Variants in NFIA observed in about 807,000 individuals in gnomAD.
NFIA encodes the protein nuclear factor 1 A-type.
NFIA carries 8 observed loss-of-function variants against 62.8 expected under a neutral mutation model. The ratio of observed to expected loss-of-function variants is 0.13; its 90% CI spans 0.07 to 0.23. The LOEUF (loss-of-function observed/expected upper bound fraction) is 0.23, where lower values mean the gene tolerates loss of function less well. Ranked by LOEUF, NFIA falls within the 10% of genes least tolerant of loss-of-function variation. NFIA has a pLI of 1.00. For synonymous variants in NFIA, 235 were observed against 238.1 expected (o/e 0.99, Z 0.12); for missense variants, 410 against 642.1 (o/e 0.64, Z 3.91).
chr1:61,452,503 G>A (rs1668101422), intron 10 of NFIA, among the ~76,000 whole-genome samples: 1 of 152,068 alleles, frequency 6.6e-6, no homozygotes, highest in Non-Finnish European at 1.5e-5. Flanking sequence ...GCCTGAAAGG[G>A]TTAATTAAGG....
chr1:61,290,656 T>A (rs1658819533), intron 3 of NFIA, among the ~76,000 whole-genome samples: 1 of 152,234 alleles, frequency 6.6e-6, no homozygotes, highest in Non-Finnish European at 1.5e-5. Context: ...CACCTTGTTG[T>A]CCGAGCTTGA....
At chr1:61,339,660 T>C (rs1346064548) in intron 4 of NFIA, among the ~76,000 whole-genome samples, 1 of 152,200 alleles carries the variant, frequency 6.6e-6, no homozygotes, top group African/African-American at 2.4e-5. Flanking sequence ...TTTAATTTTC[T>C]TGACATGTTT....
intron 10 of NFIA, among the ~76,000 whole-genome samples, chr1:61,452,344 C>A (rs1429578793): frequency 2.6e-5 from 4 of 151,938 alleles, no homozygotes; most frequent in Non-Finnish European, 5.9e-5. Flanking sequence ...AGAAAAATTC[C>A]CTGTGTGGTT....
At chr1:61,417,300 T>A (rs1210606879) in intron 9 of NFIA, among the ~76,000 whole-genome samples, 1 of 148,340 alleles carries the variant, frequency 6.7e-6, no homozygotes, top group African/African-American at 2.5e-5. Flanking sequence ...TATACACATA[T>A]AAGATGATTG....
At chr1:61,172,954 C>T (rs570648639) in intron 2 of NFIA, among the ~76,000 whole-genome samples, 6 of 152,320 alleles carry the variant, frequency 3.9e-5, no homozygotes, top group Admixed American at 2.0e-4. Flanking sequence ...GAACTCTTCA[C>T]GTTCATTTTC....
Position 61,406,553 on chromosome 1 carries a change from C to CT in NFIA, c.1255-9_1255-8insT. On this transcript the variant is annotated splice_polypyrimidine_tract_variant and intron_variant, in intron 8 of 10. Coordinates refer to ENST00000403491, the MANE Select transcript of NFIA (RefSeq NM_001134673.4). ...GTACGTGTGTTTTCTGCCCCCCCCCCCCCCACAGCCCAATGGGAGCAGCCA... is the reference window on the plus strand; with the variant it reads ...GTACGTGTGTTTTCTGCCCCCCCCCCTCCCCACAGCCCAATGGGAGCAGCCA... The CT allele has an allele frequency of 7.6e-6, 10 of 1,319,416 alleles. No homozygotes were observed. The South Asian group carries it at 1.1e-4, about 15-fold the overall frequency. The allele number at this position is 1,319,416 out of a possible 1,614,324, so 81.7% of individuals were successfully genotyped here.
intron 2 of NFIA, among the ~76,000 whole-genome samples, chr1:61,130,583 T>C (rs1336531210): frequency 6.6e-6 from 1 of 152,202 alleles, no homozygotes; most frequent in Non-Finnish European, 1.5e-5. Context: ...CATATGGTAA[T>C]CATTGTAGAA....
intron 2 of NFIA, among the ~76,000 whole-genome samples, chr1:61,206,258 G>A (rs557467884): frequency 6.6e-6 from 1 of 152,194 alleles, no homozygotes; most frequent in South Asian, 2.1e-4. Context: ...GTTGAAAAGT[G>A]TTTCATTTTT....
chr1:61,406,839 A>G (rs1665863782), intron 9 of NFIA, 112 bp downstream of exon 9: 1 of 1,239,060 alleles, frequency 8.1e-7, no homozygotes, highest in Non-Finnish European at 1.1e-6. Context: ...ACAGATCCCC[A>G]GTGATGTTGT....
rs1668293985 is a variant in NFIA at position 61,456,188 on chromosome 1, T to C, written c.*868T>C. On this transcript the variant is annotated 3_prime_UTR_variant, in exon 11 of 11. Transcript: ENST00000403491. ...TTGAATTGAGTAAAGTGCAATTTCA[T>C]TGGATAGCTAAATATCTTTGTAAGA... is the stretch of plus-strand genomic sequence containing the variant. 6.6e-6 allele frequency: 1 copy of C among 152,634 alleles called. No homozygotes were observed. Among genetic ancestry groups the C allele is most frequent in the Admixed American group, 6.5e-5 (1 of 15,282 alleles). 9.5% of individuals were successfully genotyped at this position (152,634 alleles called of 1,614,324 possible).
intron 2 of NFIA, among the ~76,000 whole-genome samples, chr1:61,181,964 C>T (rs1650788976): frequency 6.6e-6 from 1 of 152,124 alleles, no homozygotes; most frequent in African/African-American, 2.4e-5. Flanking sequence ...ATTTAAGACT[C>T]AAAGTTTGTT....
intron 6 of NFIA, among the ~76,000 whole-genome samples, chr1:61,359,769 G>A (rs1401015723): frequency 6.6e-6 from 1 of 151,852 alleles, no homozygotes; most frequent in Non-Finnish European, 1.5e-5. Flanking sequence ...TAGTAGAGAC[G>A]GGGTTTCACC....
At chr1:61,128,140 G>A (rs1436008929) in intron 2 of NFIA, among the ~76,000 whole-genome samples, 1 of 151,884 alleles carries the variant, frequency 6.6e-6, no homozygotes, top group African/African-American at 2.4e-5. Context: ...ATGTAGACGT[G>A]GAGTCCCCCT....
intron 2 of NFIA, among the ~76,000 whole-genome samples, chr1:61,198,921 C>A (rs1157984347): frequency 6.6e-6 from 1 of 152,152 alleles, no homozygotes; most frequent in Non-Finnish European, 1.5e-5. Flanking sequence ...CCGGCTTGCC[C>A]CCCTCCTTCA....
At chr1:61,196,952 CTGTG>C (rs1178920796) in intron 2 of NFIA, among the ~76,000 whole-genome samples, 1 of 149,066 alleles carries the variant, frequency 6.7e-6, no homozygotes, top group African/African-American at 2.5e-5. Context: ...CGCGCGCGCG[CTGTG>C]TGTGTGTGAT....
intron 2 of NFIA, among the ~76,000 whole-genome samples, chr1:61,234,452 C>T (rs1403705836): frequency 6.6e-6 from 1 of 151,384 alleles, no homozygotes; most frequent in Non-Finnish European, 1.5e-5. Context: ...ATAATCCTTG[C>T]GTTATGCGGG....
chr1:61,139,609 C>T (rs1647346525), intron 2 of NFIA, among the ~76,000 whole-genome samples: 1 of 152,104 alleles, frequency 6.6e-6, no homozygotes. Context: ...AATATTCTCT[C>T]TTGTCTCGAT....
intron 10 of NFIA, among the ~76,000 whole-genome samples, chr1:61,444,494 A>G (rs1351699604): frequency 6.6e-6 from 1 of 152,196 alleles, no homozygotes; most frequent in African/African-American, 2.4e-5. Context: ...AGCACATGTA[A>G]ATGAGGCTCC....
intron 10 of NFIA, among the ~76,000 whole-genome samples, chr1:61,428,223 T>G (rs1666951815): frequency 6.6e-6 from 1 of 152,196 alleles, no homozygotes; most frequent in African/African-American, 2.4e-5. Context: ...TCAAAATGTA[T>G]TATATGCCAC....
Sources: gnomAD v4.1 joint callset for allele counts (sites outside exome capture counted in the v4.1 genomes callset) on GRCh38, gnomAD v4.1.1 for gene constraint, MANE v1.5 for transcripts, NCBI Gene and HGNC (gene_info 2026-07-23, HGNC 2026-07-21) for gene names.